Variants in SOHLH1 observed in about 807,000 individuals in gnomAD.
SOHLH1 encodes the protein spermatogenesis- and oogenesis-specific basic helix-loop-helix-containing protein 1.
Under a neutral mutation model 36.2 loss-of-function variants are expected in SOHLH1, and 23 were observed. The observed-to-expected ratio is 0.64, with a 90% CI of 0.46 to 0.90. SOHLH1 has a LOEUF of 0.90. Among genes scored for constraint, SOHLH1 ranks in the 40% least tolerant of loss-of-function variants. The pLI is 0.00. For synonymous variants in SOHLH1, 289 were observed against 228.3 expected (o/e 1.27, Z -2.40); for missense variants, 608 against 517.0 (o/e 1.18, Z -1.71).
intron 5 of SOHLH1, among the ~76,000 whole-genome samples, chr9:135,695,716 C>CA (rs1834765529): frequency 1.3e-5 from 2 of 152,172 alleles, no homozygotes; most frequent in Admixed American, 1.3e-4. Flanking sequence ...CCAAAAGGCA[C>CA]AGCCCTGCCT....
Position 135,698,324 on chromosome 9 carries a change from C to T in SOHLH1, c.345+5G>A, listed in dbSNP as rs1466143603. On this transcript the variant is annotated splice_donor_5th_base_variant and intron_variant, in intron 3 of 7. Transcript: ENST00000425225. The stretch of plus-strand genomic sequence containing the variant: ...GGACTGACGGCGTCTACCCTTACAA[C>T]TCACAGCGTGCTGCTCCTGACTGGG... 6.2e-7 allele frequency: 1 copy of T among 1,613,032 alleles called. No homozygotes were observed. Among genetic ancestry groups the T allele is most frequent in the Admixed American group, 1.7e-5 (1 of 60,028 alleles).
upstream of SOHLH1, among the ~76,000 whole-genome samples, chr9:135,700,129 G>A (rs1437095430): frequency 6.6e-6 from 1 of 152,092 alleles, no homozygotes; most frequent in African/African-American, 2.4e-5. Flanking sequence ...GGGCACCCTC[G>A]GAACCGTCTG....
rs1233944518 is a variant in SOHLH1 at position 135,696,715 on chromosome 9, G to A, written c.558C>T (p.Ser186=). 1.2e-6 allele frequency: 2 copies of A among 1,612,932 alleles called. No individual in the cohort carries two copies. The highest frequency in any genetic ancestry group is 8.5e-7 in the Non-Finnish European group (1 of 1,179,986). ...SPEPVPHILA[S]SRQWDPASCT... is the part of the protein sequence containing the mutation. ...AGCTCGCGGGGTCCCACTGCCTGGAGGACGCAAGGATGTGCGGCACGGGCT... is the reference window on the plus strand; with the variant it reads ...AGCTCGCGGGGTCCCACTGCCTGGAAGACGCAAGGATGTGCGGCACGGGCT... The change falls in exon 5 of 8, where the codon TCC becomes TCT. Residue 186 remains serine (S), a synonymous_variant. Coordinates refer to ENST00000425225, the MANE Select transcript of SOHLH1 (RefSeq NM_001101677.2).
At chr9:135,698,242 T>G in intron 3 of SOHLH1, 87 bp downstream of exon 3, 1 of 1,579,760 alleles carries the variant, frequency 6.3e-7, no homozygotes, top group Non-Finnish European at 8.7e-7. Context: ...GAGACGGGGA[T>G]GACAGGGGAC....
chr9:135,696,619 A>T lies in SOHLH1; in HGVS notation c.654T>A (p.Pro218=), dbSNP rs1343884808. ...GLCQVRGGLP[P]FSEPSSLVPW... is the part of the protein sequence containing the mutation. ...TGCACACCCAGGACTCACCTGAGAA[A>T]GGGGGCAGCCCACCCCGCACCTGGC... The change falls in exon 5 of 8, where the codon CCT becomes CCA. Residue 218 remains proline (P), a synonymous_variant. Coordinates refer to ENST00000425225, the MANE Select transcript of SOHLH1 (RefSeq NM_001101677.2). 6.2e-7 allele frequency: 1 copy of T among 1,612,224 alleles called. No homozygotes were observed. Among genetic ancestry groups the T allele is most frequent in the Non-Finnish European group, 8.5e-7 (1 of 1,179,720 alleles).
In SOHLH1 at chr9:135,696,883, C is replaced by CA. The variant is rs1192190395; in HGVS notation, c.468-79dup. On this transcript the variant is annotated intron_variant, in intron 4 of 7. Transcript: ENST00000425225. ...AGGCTGCCCCCACCCACCCCAAGAG[C>CA]AGAGGGCTGGACCCATCCCCAGGAC... 4 of 1,496,550 alleles carry CA rather than the reference C, an allele frequency of 2.7e-6. No individual in the cohort carries two copies. The East Asian group carries it at 9.6e-5, about 36-fold the overall frequency. 92.7% of individuals were successfully genotyped at this position (1,496,550 alleles called of 1,614,324 possible). A position where few individuals can be genotyped will look rare whatever the true frequency, so the allele number is the denominator to read the frequency against.
In SOHLH1 at chr9:135,697,420, C is replaced by T. The variant is rs1016362203; in HGVS notation, c.467+86G>A. 7 of 1,561,862 alleles carry T rather than the reference C, an allele frequency of 4.5e-6. No individual in the cohort carries two copies. The Admixed American group carries it at 1.0e-4, about 23-fold the overall frequency. On this transcript the variant is annotated intron_variant, in intron 4 of 7. Transcript: ENST00000425225. ...GGCCAAGCCGGGCCTCCAGGCCACA[C>T]CCTCCCGAGGACATGCCAGGGGGCT...
At chr9:135,697,440 G>A in intron 4 of SOHLH1, 66 bp downstream of exon 4, 2 of 1,583,610 alleles carry the variant, frequency 1.3e-6, no homozygotes, top group Non-Finnish European at 1.7e-6. Context: ...GACATGCCAG[G>A]GGGCTTTGGG....
At chr9:135,694,986 G>A (rs771332897) in intron 6 of SOHLH1, 64 bp downstream of exon 6, 10 of 1,486,846 alleles carry the variant, frequency 6.7e-6, no homozygotes, top group East Asian at 2.5e-5. Flanking sequence ...GAGGAGGTGG[G>A]ACAGGCTCAC....
At chr9:135,699,626 C>T, upstream of SOHLH1, 1 of 778,030 alleles carries the variant, frequency 1.3e-6, no homozygotes, top group Admixed American at 2.1e-5. Flanking sequence ...TAGCCCTCCC[C>T]ACGCAGCCAG....
chr9:135,695,192 G>A lies in SOHLH1; in HGVS notation c.733C>T (p.Pro245Ser), dbSNP rs1178576178. ...AAGGTCTGCTGCTGCGAGAACGGAG[G>A]CCAGGACAGGGGTGGCCTCACAGCC... ...PKAVRPPLSW[P>S]PFSQQQTLPV... Residue 245 changes from proline (P) to serine (S), a missense_variant, in exon 6 of 8, where the codon CCT becomes TCT. Coordinates refer to ENST00000425225, the MANE Select transcript of SOHLH1 (RefSeq NM_001101677.2). 2 of 1,604,930 alleles carry A rather than the reference G, an allele frequency of 1.2e-6. No homozygotes were observed.
intron 3 of SOHLH1, among the ~76,000 whole-genome samples, chr9:135,697,995 A>C (rs1834876545): frequency 6.6e-6 from 1 of 152,028 alleles, no homozygotes; most frequent in African/African-American, 2.4e-5. Context: ...ACGTGCAGAG[A>C]AATGATCTAG....
chr9:135,695,266 G>A lies in SOHLH1; in HGVS notation c.662-3C>T. The A allele has an allele frequency of 6.3e-7, 1 of 1,589,462 alleles. No homozygotes were observed. Among genetic ancestry groups the A allele is most frequent in the Non-Finnish European group, 8.5e-7 (1 of 1,169,902 alleles). On this transcript the variant is annotated splice_polypyrimidine_tract_variant and splice_region_variant and intron_variant, in intron 5 of 7. Coordinates refer to ENST00000425225, the MANE Select transcript of SOHLH1 (RefSeq NM_001101677.2). The stretch of plus-strand genomic sequence containing the variant: ...CCACGGCACCAGGCTGGAAGGTTCT[G>A]GGAGAGAAGTCAGATGCGGGTCAGC...
At chr9:135,701,080 C>T (rs1297139376), upstream of SOHLH1, among the ~76,000 whole-genome samples, 1 of 152,256 alleles carries the variant, frequency 6.6e-6, no homozygotes, top group Non-Finnish European at 1.5e-5. Context: ...GCGGCACCCG[C>T]CCAGGGGTGG....
chr9:135,698,706 T>C lies in SOHLH1; in HGVS notation c.198-230A>G, dbSNP rs1451117852. ...GGCTGTCCAGCCCAGGCCCAAACCATGGCTGCTTTGCGGTGTGGAAAAGAC... is the reference window on the plus strand; with the variant it reads ...GGCTGTCCAGCCCAGGCCCAAACCACGGCTGCTTTGCGGTGTGGAAAAGAC... On this transcript the variant is annotated intron_variant, in intron 2 of 7. Coordinates refer to ENST00000425225, the MANE Select transcript of SOHLH1 (RefSeq NM_001101677.2). Among the ~76,000 whole-genome samples the C allele has an allele frequency of 3.9e-5, 6 of 152,064 alleles. No individual in the cohort carries two copies. In the South Asian group the frequency reaches 8.3e-4, roughly 21 times the overall value.
upstream of SOHLH1, among the ~76,000 whole-genome samples, chr9:135,701,213 C>G (rs1835023068): frequency 6.6e-6 from 1 of 152,164 alleles, no homozygotes; most frequent in Non-Finnish European, 1.5e-5. Flanking sequence ...CCTAGACTTC[C>G]CCGAGTGTTC....
In SOHLH1 at chr9:135,696,803, G is replaced by A. The variant is rs375252762; in HGVS notation, c.470C>T (p.Thr157Ile). Residue 157 changes from threonine to isoleucine, a missense_variant and splice_region_variant, in exon 5 of 8, where the codon ACC (threonine) becomes ATC (isoleucine). Transcript: ENST00000425225. ...PGTGASSGTR[T>I]PDVKAFLESP... ...TTCCAGAAACGCCTTCACATCTGGG[G>A]TTCTAGAAGGAGCAACATGACAAGG... The A allele has an allele frequency of 2.7e-5, 44 of 1,612,808 alleles. No individual in the cohort carries two copies. The highest frequency in any genetic ancestry group is 3.5e-5 in the Non-Finnish European group (41 of 1,179,998).
chr9:135,700,214 A>C (rs1257642318), upstream of SOHLH1, among the ~76,000 whole-genome samples: 1 of 149,816 alleles, frequency 6.7e-6, no homozygotes, highest in Non-Finnish European at 1.5e-5. Context: ...CTCACCTCAC[A>C]CTCTCAACAG....
chr9:135,696,736 G>A lies in SOHLH1; in HGVS notation c.537C>T (p.Pro179=), dbSNP rs149577842. The change falls in exon 5 of 8, where the codon CCC becomes CCT. Residue 179 remains proline (P), a synonymous_variant. Transcript: ENST00000425225. ...TGGAGGACGCAAGGATGTGCGGCAC[G>A]GGCTCTGGGCTGGCCGACGCTGGAT... ...SLDPASASPE[P]VPHILASSRQ... The A allele has an allele frequency of 7.5e-4, 1,203 of 1,613,060 alleles. 2 individuals carry two copies. The highest frequency in any genetic ancestry group is 9.4e-4 in the Non-Finnish European group (1,115 of 1,179,994).
Sources: allele counts gnomAD v4.1 joint callset (sites outside exome capture counted in the v4.1 genomes callset), GRCh38; gene constraint gnomAD v4.1.1; transcripts MANE v1.5; gene names NCBI Gene and HGNC (gene_info 2026-07-23, HGNC 2026-07-21).